SERPINF1: variants seen among roughly 807,000 people sequenced by gnomAD.
SERPINF1 encodes pigment epithelium-derived factor.
A neutral mutation model predicts 37.3 loss-of-function variants in SERPINF1; 29 were observed. The observed-to-expected ratio is 0.78, with a 90% CI of 0.58 to 1.06. The LOEUF (loss-of-function observed/expected upper bound fraction) is 1.06, where lower values mean the gene tolerates loss of function less well. SERPINF1 is among the 50% of genes least tolerant of loss of function. The pLI is 0.00. For synonymous variants in SERPINF1, 281 were observed against 227.9 expected (o/e 1.23, Z -2.10); for missense variants, 553 against 532.2 (o/e 1.04, Z -0.38).
intron 3 of SERPINF1, 149 bp downstream of exon 3, chr17:1,770,199 C>G (rs1907643462): frequency 1.2e-6 from 1 of 823,166 alleles, no homozygotes; most frequent in African/African-American, 1.7e-5. Flanking sequence ...GCTGTGTAAG[C>G]AGGAGCTCAG....
intron 7 of SERPINF1, 109 bp from the exon 8 acceptor site, chr17:1,777,068 TTCAGGCCTCA>T: frequency 6.6e-7 from 1 of 1,526,562 alleles, no homozygotes; most frequent in Non-Finnish European, 9.0e-7. Context: ...CTCAGACCTC[TTCAGGCCTCA>T]GAGAAAGTCA....
intron 4 of SERPINF1, 34 bp from the exon 5 acceptor site, chr17:1,771,838 C>G (rs370478492): frequency 1.2e-6 from 2 of 1,601,140 alleles, no homozygotes; most frequent in African/African-American, 2.7e-5. Context: ...GTCGTCGAGT[C>G]TCATACGCTA....
chr17:1,775,035 C>G (rs1467655916), intron 5 of SERPINF1, 23 bp from the exon 6 acceptor site: 2 of 1,614,096 alleles, frequency 1.2e-6, no homozygotes, highest in South Asian at 2.2e-5. Flanking sequence ...GGGGCTCAGA[C>G]TATGTCATAC....
intron 2 of SERPINF1, 69 bp downstream of exon 2, chr17:1,767,063 A>G: frequency 7.2e-7 from 1 of 1,390,318 alleles, no homozygotes. Flanking sequence ...CACGGGAAAC[A>G]GGACAGGGAA....
rs146075681 is a variant in SERPINF1, at chr17:1,777,268, C to T, written c.1079C>T (p.Ala360Val). ...PIKLTQVEHRAGFEWNEDGAG... is the reference protein window; with the variant it reads ...PIKLTQVEHRVGFEWNEDGAG... ...AAGCTGACTCAGGTGGAACACCGGG[C>T]TGGCTTTGAGTGGAACGAGGATGGG... Residue 360 changes from alanine to valine, a missense_variant, in exon 8 of 8, where the codon GCT becomes GTT. Transcript: ENST00000254722. 92 of 1,614,150 alleles carry T rather than the reference C, an allele frequency of 5.7e-5. No homozygotes were observed. In the African/African-American group the frequency reaches 1.1e-3, roughly 20 times the overall value.
intron 3 of SERPINF1, chr17:1,770,628 T>C: frequency 7.5e-6 from 2 of 265,734 alleles, no homozygotes; most frequent in South Asian, 4.1e-5. Context: ...CCCAGCTAAT[T>C]TTTGTATTTT....
chr17:1,772,576 T>G (rs1011388925), intron 5 of SERPINF1, among the ~76,000 whole-genome samples: 2 of 138,940 alleles, frequency 1.4e-5, no homozygotes, highest in African/African-American at 5.4e-5. Flanking sequence ...ATTTATTTTT[T>G]GAGACAGAGT....
At chr17:1,766,060 C>A (rs1907348360) in intron 1 of SERPINF1, among the ~76,000 whole-genome samples, 1 of 152,076 alleles carries the variant, frequency 6.6e-6, no homozygotes, top group Non-Finnish European at 1.5e-5. Flanking sequence ...GACTGGGTGC[C>A]TCTATGCTTG....
intron 6 of SERPINF1, among the ~76,000 whole-genome samples, chr17:1,775,747 T>C (rs894044257): frequency 2.0e-5 from 3 of 152,170 alleles, no homozygotes; most frequent in Non-Finnish European, 4.4e-5. Context: ...TTGGTCAGGC[T>C]GGTCTCAAAC....
At chr17:1,775,234 T>C (rs1567757457) in intron 6 of SERPINF1, 34 bp downstream of exon 6, 1 of 1,601,160 alleles carries the variant, frequency 6.2e-7, no homozygotes, top group Admixed American at 1.7e-5. Flanking sequence ...GGGGGGTGGA[T>C]GGAGGGAGAG....
intron 4 of SERPINF1, chr17:1,771,670 T>G: frequency 1.6e-6 from 1 of 630,868 alleles, no homozygotes; most frequent in Non-Finnish European, 2.9e-6. Context: ...GGGAGGGCAG[T>G]GGCGCGATGT....
chr17:1,769,537 T>A, intron 2 of SERPINF1: 1 of 441,816 alleles, frequency 2.3e-6, no homozygotes, highest in Non-Finnish European at 4.2e-6. Context: ...GGCAGGAAAA[T>A]CGCTTGAACC....
intron 1 of SERPINF1, among the ~76,000 whole-genome samples, chr17:1,763,188 C>A (rs1907187036): frequency 6.6e-6 from 1 of 152,202 alleles, no homozygotes; most frequent in African/African-American, 2.4e-5. Context: ...CCCATGCTAT[C>A]TCCGAGGCCC....
In SERPINF1 at chr17:1,766,897, T is replaced by C; in HGVS notation, c.-8-6T>C. On this transcript the variant is annotated splice_region_variant and splice_polypyrimidine_tract_variant and intron_variant, in intron 1 of 7. Transcript: ENST00000254722. ...AGCGGCTTGCTGCCTCGTTCTTTTCTTGCAGGCCCCAGGATGCAGGCCCTG... is the reference window on the plus strand; with the variant it reads ...AGCGGCTTGCTGCCTCGTTCTTTTCCTGCAGGCCCCAGGATGCAGGCCCTG... 1 of 1,554,366 alleles carries C rather than the reference T, an allele frequency of 6.4e-7. No homozygotes were observed. Among genetic ancestry groups the C allele is most frequent in the Non-Finnish European group, 8.7e-7 (1 of 1,148,658 alleles).
rs112497524 is a variant in SERPINF1, at chr17:1,765,306, CTATTT to C, written c.-8-1576_-8-1572del. Among the ~76,000 whole-genome samples the C allele has an allele frequency of 3.7e-3, 554 of 151,692 alleles. 1 individual carries two copies. The highest frequency in any genetic ancestry group is 5.4e-3 in the Non-Finnish European group (367 of 67,920). On this transcript the variant is annotated intron_variant, in intron 1 of 7. Coordinates refer to ENST00000254722, the MANE Select transcript of SERPINF1 (RefSeq NM_002615.7). ...TACAGGTGTGTGCCACCATGCCTGGCTATTTTATTTTATTTTATTTTATTTATTTA... is the reference window on the plus strand; with the variant it reads ...TACAGGTGTGTGCCACCATGCCTGGCTATTTTATTTTATTTTATTTATTTA...
At position 1,769,872 on chromosome 17, in the gene SERPINF1, C is replaced by T. The variant is rs766072854; in HGVS notation, c.105C>T (p.Ser35=). Residue 35 remains serine, a synonymous_variant, in exon 3 of 8, where the codon AGC becomes AGT. Coordinates refer to ENST00000254722, the MANE Select transcript of SERPINF1 (RefSeq NM_002615.7). ...GCCAGGGCTCCCCAGACCCCGACAG[C>T]ACAGGGGCGCTGGTGGAGGAGGAGG... ...PPEEGSPDPD[S]TGALVEEEDP... The T allele has an allele frequency of 8.7e-6, 14 of 1,614,204 alleles. No individual in the cohort carries two copies. In the South Asian group the frequency reaches 1.3e-4, roughly 15 times the overall value.
chr17:1,772,093 T>A lies in SERPINF1; in HGVS notation c.643+18T>A, dbSNP rs1298150405. On this transcript the variant is annotated intron_variant, in intron 5 of 7. Coordinates refer to ENST00000254722, the MANE Select transcript of SERPINF1 (RefSeq NM_002615.7). ...CTTCAAGGGTGAGCGCGTCTCCAAT[T>A]CTTTTTCATTTATTTTACTGTATTT... The A allele has an allele frequency of 1.2e-6, 2 of 1,608,086 alleles. No individual in the cohort carries two copies. The highest frequency in any genetic ancestry group is 1.7e-6 in the Non-Finnish European group (2 of 1,177,614).
At chr17:1,770,452 CTTTTT>C (rs35913837) in intron 3 of SERPINF1, 24 of 162,278 alleles carry the variant, frequency 1.5e-4, no homozygotes, top group South Asian at 3.7e-4. Flanking sequence ...ACAGAATAGT[CTTTTT>C]TTTTTTTTTT....
rs193302871 is a variant in SERPINF1, at chr17:1,771,064, G to GCT, written c.324_325dup (p.Tyr109SerfsTer5). On this transcript the variant is annotated frameshift_variant, in exon 4 of 8. Transcript: ENST00000254722. LOFTEE classifies it high-confidence loss of function. Reference sequence around the variant, plus strand: ...GCGAACAGAATCCATCATTCACCGGGCTCTCTACTATGACTTGATCAGCAG... The same window carrying GCT: ...GCGAACAGAATCCATCATTCACCGGGCTCTCTCTACTATGACTTGATCAGCAG... The GCT allele has an allele frequency of 6.2e-7, 1 of 1,614,048 alleles. No individual in the cohort carries two copies. The highest frequency in any genetic ancestry group is 8.5e-7 in the Non-Finnish European group (1 of 1,179,998).
Sources: gnomAD v4.1 joint callset for allele counts (sites outside exome capture counted in the v4.1 genomes callset) on GRCh38, gnomAD v4.1.1 for gene constraint, MANE v1.5 for transcripts, NCBI Gene and HGNC (gene_info 2026-07-23, HGNC 2026-07-21) for gene names.